PRKG2: variants seen among roughly 807,000 people sequenced by gnomAD.
PRKG2 encodes the protein cGMP-dependent protein kinase 2.
A neutral mutation model predicts 97.2 loss-of-function variants in PRKG2; 33 were observed. The ratio of observed to expected loss-of-function variants is 0.34; its 90% CI spans 0.26 to 0.45. The LOEUF is 0.45. PRKG2 is among the 20% of genes least tolerant of loss of function. The pLI, the probability that PRKG2 is intolerant of heterozygous loss-of-function variation, is 1.00. For synonymous variants in PRKG2, 330 were observed against 321.8 expected, an observed-to-expected ratio of 1.03 and a Z score of -0.27; for missense variants, 638 against 900.0, an observed-to-expected ratio of 0.71 and a Z score of 3.73.
At chr4:81,179,718 G>T (rs977426389) in intron 2 of PRKG2, among the ~76,000 whole-genome samples, 2 of 152,092 alleles carry the variant, frequency 1.3e-5, no homozygotes, top group Non-Finnish European at 2.9e-5. Context: ...AATAAATGGA[G>T]TTAACACAAT....
intron 6 of PRKG2, among the ~76,000 whole-genome samples, chr4:81,162,617 G>A (rs991437550): frequency 2.0e-5 from 3 of 152,038 alleles, no homozygotes; most frequent in South Asian, 2.1e-4. Flanking sequence ...GATATTTGGC[G>A]TGTCTTTGCC....
chr4:81,110,365 T>G, intron 15 of PRKG2, 83 bp downstream of exon 15: 15 of 1,417,016 alleles, frequency 1.1e-5, no homozygotes, highest in Non-Finnish European at 1.4e-5. Context: ...GTTACGCTCT[T>G]AAAGTATATA....
At chr4:81,157,317 C>G (rs1432207725) in intron 6 of PRKG2, among the ~76,000 whole-genome samples, 1 of 152,162 alleles carries the variant, frequency 6.6e-6, no homozygotes, top group African/African-American at 2.4e-5. Flanking sequence ...CGCAAATAAA[C>G]TAGAAAATCT....
At chr4:81,130,031 T>A (rs1294573522) in intron 14 of PRKG2, among the ~76,000 whole-genome samples, 2 of 152,198 alleles carry the variant, frequency 1.3e-5, no homozygotes, top group Admixed American at 6.5e-5. Context: ...GTCCTCGTAG[T>A]GACAAAATCT....
intron 3 of PRKG2, among the ~76,000 whole-genome samples, chr4:81,172,993 T>C (rs1681648894): frequency 6.6e-6 from 1 of 152,150 alleles, no homozygotes; most frequent in Non-Finnish European, 1.5e-5. Context: ...CTAAATTCTA[T>C]TCTATCAAAG....
chr4:81,212,609 A>G (rs1754040260), intron 1 of PRKG2, among the ~76,000 whole-genome samples: 1 of 152,208 alleles, frequency 6.6e-6, no homozygotes, highest in African/African-American at 2.4e-5. Flanking sequence ...GCACCAGTGG[A>G]AACTTTAAGT....
At chr4:81,194,501 C>T (rs1345589634) in intron 2 of PRKG2, among the ~76,000 whole-genome samples, 2 of 151,824 alleles carry the variant, frequency 1.3e-5, no homozygotes, top group Admixed American at 6.6e-5. Context: ...ATAAGCATGA[C>T]TTTCTTCTCT....
At chr4:81,186,811 T>A (rs200112043) in intron 2 of PRKG2, among the ~76,000 whole-genome samples, 1 of 151,928 alleles carries the variant, frequency 6.6e-6, no homozygotes, top group East Asian at 1.9e-4. Context: ...TGATCCCACA[T>A]AAATACAAAC....
At position 81,089,222 on chromosome 4, in the gene PRKG2, T is replaced by G. The variant is rs1463107141; in HGVS notation, c.*486A>C. ...CAGGAGGTTCTGTTGGCTACCATGG[T>G]TTCTGCAAACCACCATTTTAAGATA... On this transcript the variant is annotated 3_prime_UTR_variant, in exon 19 of 19. Coordinates refer to ENST00000264399, the MANE Select transcript of PRKG2 (RefSeq NM_006259.3). The G allele has an allele frequency of 6.6e-6, 1 of 152,292 alleles. No homozygotes were observed. Among genetic ancestry groups the G allele is most frequent in the Non-Finnish European group, 1.5e-5 (1 of 68,150 alleles). 9.4% of individuals were successfully genotyped at this position (152,292 alleles called of 1,614,324 possible). A position where few individuals can be genotyped will look rare whatever the true frequency, so the allele number is the denominator to read the frequency against.
upstream of PRKG2, among the ~76,000 whole-genome samples, chr4:81,217,031 G>GTA (rs35897460): frequency 0.062 from 7,158 of 115,074 alleles, 555 homozygotes; most frequent in African/African-American, 0.18. Context: ...TATATATTTT[G>GTA]TATATATATA....
chr4:81,138,744 A>G (rs79750139), intron 12 of PRKG2, among the ~76,000 whole-genome samples: 1,903 of 151,858 alleles, frequency 0.013, 29 homozygotes, highest in East Asian at 0.048. Context: ...CACTTTGGAA[A>G]GAGTTGAAAA....
At chr4:81,094,145 T>A (rs1371403466) in intron 17 of PRKG2, among the ~76,000 whole-genome samples, 1 of 152,190 alleles carries the variant, frequency 6.6e-6, no homozygotes, top group African/African-American at 2.4e-5. Flanking sequence ...TCAGGAAAGA[T>A]TTAGTTGTAC....
chr4:81,107,180 G>C lies in PRKG2; in HGVS notation c.1941-1245C>G, dbSNP rs546694712. Reference sequence around the variant, plus strand: ...TGGGGTGGTGTGCAGAGCGGGTTATGGGGAAGGGAATCAAGAGTTATGTTT... The same window carrying C: ...TGGGGTGGTGTGCAGAGCGGGTTATCGGGAAGGGAATCAAGAGTTATGTTT... On this transcript the variant is annotated intron_variant, in intron 15 of 18. Coordinates refer to ENST00000264399, the MANE Select transcript of PRKG2 (RefSeq NM_006259.3). 3.9e-5 allele frequency among the ~76,000 whole-genome samples: 6 copies of C among 152,260 alleles called. 1 individual carries two copies. The highest frequency in any genetic ancestry group is 1.4e-4 in the African/African-American group (6 of 41,562).
chr4:81,179,541 G>T (rs763663068), intron 2 of PRKG2, among the ~76,000 whole-genome samples: 24 of 152,162 alleles, frequency 1.6e-4, no homozygotes, highest in Non-Finnish European at 3.4e-4. Flanking sequence ...TATGATCTCA[G>T]ATGGAAACTG....
intron 6 of PRKG2, 86 bp from the exon 7 acceptor site, chr4:81,153,807 C>G (rs112968798): frequency 7.7e-6 from 7 of 914,790 alleles, no homozygotes; most frequent in Admixed American, 2.0e-5. Context: ...CAGCTCCCAG[C>G]GTGAGCGGCG....
Position 81,171,681 on chromosome 4 carries a change from CT to C in PRKG2, c.742+9del. On this transcript the variant is annotated intron_variant, in intron 4 of 18. Transcript: ENST00000264399. ...ACAATTCAAAGATGGAGCATTTCCT[CT>C]TTTATTACCTTTCACAGAGGCAGTC... The C allele has an allele frequency of 6.3e-7, 1 of 1,576,248 alleles. No homozygotes were observed. The highest frequency in any genetic ancestry group is 1.2e-5 in the South Asian group (1 of 86,330).
intron 1 of PRKG2, among the ~76,000 whole-genome samples, chr4:81,211,768 A>G (rs192070872): frequency 8.5e-5 from 13 of 152,322 alleles, no homozygotes; most frequent in Non-Finnish European, 7.4e-5. Context: ...AGCCAGAGAG[A>G]AAAACATTGC....
At chr4:81,089,867 G>T in intron 18 of PRKG2, 64 bp from the exon 19 acceptor site, 1 of 1,316,764 alleles carries the variant, frequency 7.6e-7, no homozygotes, top group Non-Finnish European at 1.1e-6. Context: ...ATCACATATG[G>T]GTAATGTTTT....
At chr4:81,159,544 A>G (rs1191690541) in intron 6 of PRKG2, among the ~76,000 whole-genome samples, 1 of 152,162 alleles carries the variant, frequency 6.6e-6, no homozygotes, top group Non-Finnish European at 1.5e-5. Flanking sequence ...TGTGGAAGTC[A>G]GTGTGGCGAT....
Sources: allele counts gnomAD v4.1 joint callset (sites outside exome capture counted in the v4.1 genomes callset), GRCh38; gene constraint gnomAD v4.1.1; transcripts MANE v1.5; gene names NCBI Gene and HGNC (gene_info 2026-07-23, HGNC 2026-07-21).